The following HIRIP3 variants were observed in gnomAD, a reference collection of about 807,000 sequenced individuals.
HIRIP3 encodes HIRA-interacting protein 3.
In HIRIP3, 40 loss-of-function variants were observed where a neutral mutation model predicts 50.3. The ratio of observed to expected loss-of-function variants is 0.79; its 90% CI spans 0.62 to 1.03. HIRIP3 has a LOEUF of 1.03. HIRIP3 is among the 50% of genes least tolerant of loss of function. The probability of loss-of-function intolerance (pLI) is 0.00; values close to 1 mark genes in which losing one functional copy is unlikely to be tolerated. For synonymous variants in HIRIP3, 318 were observed against 261.6 expected (o/e 1.22, Z -2.08); for missense variants, 765 against 705.4 (o/e 1.08, Z -0.96).
chr16:29,993,421 AC>A (rs1159203730), intron 6 of HIRIP3, 37 bp downstream of exon 6: 1 of 1,592,432 alleles, frequency 6.3e-7, no homozygotes, highest in East Asian at 2.2e-5. Context: ...GTCCAACCCC[AC>A]CTATCTGCTC....
rs148104685 is a variant in HIRIP3, at chr16:29,994,173, C to T, written c.972G>A (p.Lys324=). 1.0e-3 allele frequency: 1,611 copies of T among 1,614,194 alleles called. No individual in the cohort carries two copies. The highest frequency in any genetic ancestry group is 1.4e-3 in the South Asian group (129 of 91,080). ...QRKSEDRTQL[K]GGKRLSGSSE... is the part of the protein sequence containing the mutation. ...TGCTTCCACTCAACCTCTTCCCACC[C>T]TTAAGCTGGGTCCTGTCCTCACTCT... Residue 324 remains lysine, a synonymous_variant, in exon 4 of 7, where the codon AAG becomes AAA. Coordinates refer to ENST00000279392, the MANE Select transcript of HIRIP3 (RefSeq NM_003609.5).
upstream of HIRIP3, chr16:29,995,786 G>A (rs944303881): frequency 2.9e-6 from 2 of 693,958 alleles, no homozygotes; most frequent in Non-Finnish European, 4.8e-6. Context: ...TCTCTGGGCA[G>A]TTGGAGGGTC....
At position 29,993,227 on chromosome 16, in the gene HIRIP3, T is replaced by C; in HGVS notation, c.1651A>G (p.Ser551Gly). The stretch of plus-strand genomic sequence containing the variant: ...AGAGCTCAGTTACTCTCGCCATCAC[T>C]GCTGATGATGCCACGCATATGTGAC... ...DWSHMRGIIS[S>G]DGESN Residue 551 changes from serine to glycine, a missense_variant, in exon 7 of 7, where the codon AGT becomes GGT. Coordinates refer to ENST00000279392, the MANE Select transcript of HIRIP3 (RefSeq NM_003609.5). 6.3e-7 allele frequency: 1 copy of C among 1,592,544 alleles called. No homozygotes were observed. Among genetic ancestry groups the C allele is most frequent in the South Asian group, 1.1e-5 (1 of 88,122 alleles).
In HIRIP3 at chr16:29,992,523, C is replaced by T. The variant is rs570739170; in HGVS notation, c.*684G>A. Reference sequence around the variant, plus strand: ...CAGACCCCAGGCAGCTCCATGCTCACGAATCTTCCCGCAAGCCTCAGCAGC... The same window carrying T: ...CAGACCCCAGGCAGCTCCATGCTCATGAATCTTCCCGCAAGCCTCAGCAGC... On this transcript the variant is annotated 3_prime_UTR_variant, in exon 7 of 7. Transcript: ENST00000279392. 306 of 152,336 alleles carry T rather than the reference C, an allele frequency of 2.0e-3. 1 individual carries two copies. The highest frequency in any genetic ancestry group is 6.8e-3 in the African/African-American group (282 of 41,556). 9.4% of individuals were successfully genotyped at this position (152,336 alleles called of 1,614,324 possible).
chr16:29,995,140 G>A lies in HIRIP3; in HGVS notation c.264C>T (p.Asp88=). 1 of 1,614,214 alleles carries A rather than the reference G, an allele frequency of 6.2e-7. No individual in the cohort carries two copies. The highest frequency in any genetic ancestry group is 1.1e-5 in the South Asian group (1 of 91,084). ...TGAAGCGGAACCTTTTTCTCTCCGG[G>A]TCGCTACAAGGGGTGGGAGGCCTCT... ...KGKRPPTPCS[D]PERKRFRFNS... The change falls in exon 3 of 7, where the codon GAC becomes GAT. Residue 88 remains aspartate (D), a synonymous_variant. Coordinates refer to ENST00000279392, the MANE Select transcript of HIRIP3 (RefSeq NM_003609.5).
In HIRIP3 at chr16:29,995,579, C is replaced by CT. The variant is rs1209625253; in HGVS notation, c.26dup (p.Phe10ValfsTer4). The CT allele has an allele frequency of 6.2e-7, 1 of 1,612,360 alleles. No individual in the cohort carries two copies. Among genetic ancestry groups the CT allele is most frequent in the Non-Finnish European group, 8.5e-7 (1 of 1,180,028 alleles). On this transcript the variant is annotated frameshift_variant, in exon 1 of 7. Transcript: ENST00000279392. LOFTEE classifies it high-confidence loss of function. ...GGCCTCGGAAGAAGCTACGGGTGAA[C>CT]TCCTGCATCTCCTTCTCCCGCGCCA...
In HIRIP3 at chr16:29,995,087, G is replaced by A. The variant is rs777271103; in HGVS notation, c.301+16C>T. 1.9e-6 allele frequency: 3 copies of A among 1,610,482 alleles called. No homozygotes were observed. The highest frequency in any genetic ancestry group is 1.1e-5 in the South Asian group (1 of 91,040). ...AACGATGCAGAAGGCCCCCACAGCAGGGAGGAAGCACTAACCCGACTCTGA... is the reference window on the plus strand; with the variant it reads ...AACGATGCAGAAGGCCCCCACAGCAAGGAGGAAGCACTAACCCGACTCTGA... On this transcript the variant is annotated intron_variant, in intron 3 of 6. Coordinates refer to ENST00000279392, the MANE Select transcript of HIRIP3 (RefSeq NM_003609.5).
rs892132949 is a variant in HIRIP3 at position 29,995,465 on chromosome 16, T to G, written c.66-2A>C. On this transcript the variant is annotated splice_acceptor_variant, in intron 1 of 6. Coordinates refer to ENST00000279392, the MANE Select transcript of HIRIP3 (RefSeq NM_003609.5). LOFTEE classifies it high-confidence loss of function. ...CGCACGATGGAATGCGTAAGCGTGC[T>G]GCAGGGACATGGTGTCAGGACGGAG... 1 of 1,613,684 alleles carries G rather than the reference T, an allele frequency of 6.2e-7. No homozygotes were observed. Among genetic ancestry groups the G allele is most frequent in the African/African-American group, 1.3e-5 (1 of 75,074 alleles).
rs2070050197 is a variant in HIRIP3, at chr16:29,994,775, C to T, written c.370G>A (p.Val124Ile). 1 of 1,614,214 alleles carries T rather than the reference C, an allele frequency of 6.2e-7. No homozygotes were observed. The highest frequency in any genetic ancestry group is 1.1e-5 in the South Asian group (1 of 91,082). ...GGATTCTCCTCTTTGGCTGGGCTGA[C>T]TTCTGCTGCCACCCCATTCTTTGCT... ...PPAKNGVAAE[V>I]SPAKEENPRR... The change falls in exon 4 of 7, where the codon GTC becomes ATC. Residue 124 changes from valine (V) to isoleucine (I), a missense_variant. Transcript: ENST00000279392.
At chr16:29,995,037 G>T in intron 3 of HIRIP3, 66 bp downstream of exon 3, 2 of 1,525,056 alleles carry the variant, frequency 1.3e-6, no homozygotes, top group Non-Finnish European at 1.8e-6. Context: ...TAAGAGATGC[G>T]CAGTGAATGC....
rs759490253 is a variant in HIRIP3, at chr16:29,993,263, G to T, written c.1615C>A (p.Pro539Thr). ...CCACGCATATGTGACCAGTCTGGGG[G>T]TGCGGGACGGGGCCGCTCTTCATCT... ...DSDEERPRPAPPDWSHMRGII... is the reference protein window; with the variant it reads ...DSDEERPRPATPDWSHMRGII... The change falls in exon 7 of 7, where the codon CCC (proline) becomes ACC (threonine). Residue 539 changes from proline (P) to threonine (T), a missense_variant. By Grantham distance (38) the Pro-to-Thr change is conservative (BLOSUM62 -1). Coordinates refer to ENST00000279392, the MANE Select transcript of HIRIP3 (RefSeq NM_003609.5). 2 of 1,568,516 alleles carry T rather than the reference G, an allele frequency of 1.3e-6. No homozygotes were observed. The highest frequency in any genetic ancestry group is 4.5e-5 in the East Asian group (2 of 44,428).
Position 29,993,172 on chromosome 16 carries a change from C to T in HIRIP3, c.*35G>A. On this transcript the variant is annotated 3_prime_UTR_variant, in exon 7 of 7. Coordinates refer to ENST00000279392, the MANE Select transcript of HIRIP3 (RefSeq NM_003609.5). Reference sequence around the variant, plus strand: ...CAAGGGGTGCTATGTATGCTTTGTACATGTATCAAGGGTCCCTCCTGGGGG... The same window carrying T: ...CAAGGGGTGCTATGTATGCTTTGTATATGTATCAAGGGTCCCTCCTGGGGG... 6.5e-7 allele frequency: 1 copy of T among 1,550,240 alleles called. No homozygotes were observed. Among genetic ancestry groups the T allele is most frequent in the East Asian group, 2.3e-5 (1 of 44,190 alleles).
chr16:29,993,137 A>G lies in HIRIP3; in HGVS notation c.*70T>C. The G allele has an allele frequency of 7.0e-7, 1 of 1,426,960 alleles. No individual in the cohort carries two copies. Among genetic ancestry groups the G allele is most frequent in the South Asian group, 1.5e-5 (1 of 67,786 alleles). 88.4% of individuals were successfully genotyped at this position (1,426,960 alleles called of 1,614,324 possible). On this transcript the variant is annotated 3_prime_UTR_variant, in exon 7 of 7. Coordinates refer to ENST00000279392, the MANE Select transcript of HIRIP3 (RefSeq NM_003609.5). ...CTGAAGGAAGCTGCTTCTGTTCCAC[A>G]GACACAGGGCAAGGGGTGCTATGTA... is the stretch of plus-strand genomic sequence containing the variant.
chr16:29,994,032 G>A lies in HIRIP3; in HGVS notation c.1113C>T (p.Asp371=). The A allele has an allele frequency of 6.2e-7, 1 of 1,611,092 alleles. No individual in the cohort carries two copies. The highest frequency in any genetic ancestry group is 8.5e-7 in the Non-Finnish European group (1 of 1,178,266). Residue 371 remains aspartate, a synonymous_variant, in exon 4 of 7, where the codon GAC becomes GAT. Coordinates refer to ENST00000279392, the MANE Select transcript of HIRIP3 (RefSeq NM_003609.5). ...CCTGGGGGCCTCCCCCTGCCTCGCT[G>A]TCACTTACCTCCCTCTCCAAGTCAC... is the stretch of plus-strand genomic sequence containing the variant. The part of the protein sequence containing the change: ...EESDLEREVS[D]SEAGGGPQGE...
rs776213695 is a variant in HIRIP3, at chr16:29,994,847, G to T, written c.302-4C>A. On this transcript the variant is annotated splice_polypyrimidine_tract_variant and splice_region_variant and intron_variant, in intron 3 of 6. Transcript: ENST00000279392. ...CTGGAGGCTTCAGAGCCGGACTCTG[G>T]AATATGGAGAGGAGAGAGGGTTGAG... The T allele has an allele frequency of 6.3e-7, 1 of 1,598,108 alleles. No homozygotes were observed. Among genetic ancestry groups the T allele is most frequent in the Non-Finnish European group, 8.5e-7 (1 of 1,172,438 alleles).
rs2070006344 is a variant in HIRIP3, at chr16:29,993,174, T to C, written c.*33A>G. 4 of 1,554,856 alleles carry C rather than the reference T, an allele frequency of 2.6e-6. No individual in the cohort carries two copies. Among genetic ancestry groups the C allele is most frequent in the Non-Finnish European group, 1.7e-6 (2 of 1,150,604 alleles). ...AGGGGTGCTATGTATGCTTTGTACA[T>C]GTATCAAGGGTCCCTCCTGGGGGTG... On this transcript the variant is annotated 3_prime_UTR_variant, in exon 7 of 7. Transcript: ENST00000279392.
chr16:29,992,323 G>A (rs903909388), downstream of HIRIP3: 2 of 152,188 alleles, frequency 1.3e-5, no homozygotes, highest in African/African-American at 4.8e-5. Flanking sequence ...CCACTGAATA[G>A]TACTGCTTGT....
chr16:29,994,978 C>G, intron 3 of HIRIP3, 125 bp downstream of exon 3: 1 of 1,483,014 alleles, frequency 6.7e-7, no homozygotes. Flanking sequence ...CTTGCTGTTC[C>G]CGGTTCCTGA....
At position 29,994,029 on chromosome 16, in the gene HIRIP3, G is replaced by A. The variant is rs762179044; in HGVS notation, c.1116C>T (p.Ser372=). Residue 372 remains serine, a synonymous_variant, in exon 4 of 7, where the codon AGC becomes AGT. Transcript: ENST00000279392. ...CCCCCTGGGGGCCTCCCCCTGCCTC[G>A]CTGTCACTTACCTCCCTCTCCAAGT... ...ESDLEREVSD[S]EAGGGPQGER... is the part of the protein sequence containing the mutation. The A allele has an allele frequency of 1.7e-5, 27 of 1,610,004 alleles. No individual in the cohort carries two copies. The highest frequency in any genetic ancestry group is 4.0e-5 in the African/African-American group (3 of 74,776).
Sources: gnomAD v4.1 joint callset for allele counts on GRCh38, gnomAD v4.1.1 for gene constraint, MANE v1.5 for transcripts, NCBI Gene and HGNC (gene_info 2026-07-23, HGNC 2026-07-21) for gene names.